Variants in BRD10 observed in about 807,000 individuals in gnomAD.
BRD10 encodes uncharacterized bromodomain-containing protein 10.
the BRD10 span, among the ~76,000 whole-genome samples, chr9:5,998,013 T>A: frequency 6.6e-6 from 1 of 152,196 alleles, no homozygotes; most frequent in Non-Finnish European, 1.5e-5. Flanking sequence ...TAAAATATAC[T>A]TTAGAAGTAG....
At chr9:5,906,490 T>C in the BRD10 span, among the ~76,000 whole-genome samples, 2 of 152,278 alleles carry the variant, frequency 1.3e-5, no homozygotes, top group African/African-American at 4.8e-5. Flanking sequence ...AAGGCAGGTC[T>C]ACTGGCAATG....
the BRD10 span, among the ~76,000 whole-genome samples, chr9:5,973,120 A>G: frequency 6.6e-6 from 1 of 152,252 alleles, no homozygotes; most frequent in Admixed American, 6.5e-5. Context: ...GGCATAAATA[A>G]TTATTAAAAT....
the BRD10 span, chr9:5,988,627 C>G: frequency 1.0e-6 from 1 of 996,284 alleles, no homozygotes; most frequent in Non-Finnish European, 1.5e-6. Flanking sequence ...TTAAGAATCC[C>G]TTTTGCTAAA....
At chr9:5,974,574 T>C in the BRD10 span, among the ~76,000 whole-genome samples, 4 of 152,050 alleles carry the variant, frequency 2.6e-5, no homozygotes, top group South Asian at 8.3e-4. Context: ...AGTACCCAGC[T>C]AAGGCCCAGC....
chr9:5,979,971 C>A, the BRD10 span, among the ~76,000 whole-genome samples: 1 of 140,894 alleles, frequency 7.1e-6, no homozygotes, highest in Admixed American at 7.5e-5. Context: ...GCCAGGACTG[C>A]ACCACTGCAC....
the BRD10 span, among the ~76,000 whole-genome samples, chr9:5,950,789 T>C: frequency 5.3e-5 from 8 of 152,216 alleles, no homozygotes; most frequent in African/African-American, 1.9e-4. Flanking sequence ...GCTTAAGACC[T>C]TGATATAAAG....
the BRD10 span, chr9:5,988,465 G>A: frequency 6.2e-7 from 1 of 1,613,752 alleles, no homozygotes; most frequent in Non-Finnish European, 8.5e-7. Flanking sequence ...CCTTGTTGAG[G>A]TACATGCAGT....
chr9:5,914,851 T>G, the BRD10 span, among the ~76,000 whole-genome samples: 1 of 152,134 alleles, frequency 6.6e-6, no homozygotes, highest in Non-Finnish European at 1.5e-5. Context: ...AAACCATAAT[T>G]GAATTTTGTA....
the BRD10 span, among the ~76,000 whole-genome samples, chr9:5,958,218 AAAG>A: frequency 3.9e-5 from 6 of 152,176 alleles, no homozygotes; most frequent in Non-Finnish European, 8.8e-5. Context: ...CAACTTAAGA[AAAG>A]AATGCCCAAC....
chr9:5,922,718 G>T, the BRD10 span: 1 of 1,613,904 alleles, frequency 6.2e-7, no homozygotes, highest in East Asian at 2.2e-5. Flanking sequence ...TCCTGTTTTA[G>T]GATCCACCAT....
chr9:5,975,857 G>T, the BRD10 span, among the ~76,000 whole-genome samples: 1 of 151,992 alleles, frequency 6.6e-6, no homozygotes, highest in Non-Finnish European at 1.5e-5. Context: ...TTAGTTTGGG[G>T]GTTAAAAATG....
the BRD10 span, among the ~76,000 whole-genome samples, chr9:5,937,730 T>C: frequency 2.0e-5 from 3 of 152,196 alleles, no homozygotes; most frequent in Admixed American, 6.5e-5. Flanking sequence ...ATTGTTTTCA[T>C]GCAACTTTCC....
chr9:5,919,958 A>G, the BRD10 span: 27 of 1,613,918 alleles, frequency 1.7e-5, no homozygotes, highest in Non-Finnish European at 2.2e-5. Flanking sequence ...CTTAGCCAAA[A>G]GAGTAGCTGG....
At chr9:5,923,057 G>C in the BRD10 span, 1 of 1,613,966 alleles carries the variant, frequency 6.2e-7, no homozygotes, top group Admixed American at 1.7e-5. Flanking sequence ...TGATGGCTCT[G>C]TATGCTTTGA....
chr9:5,939,131 A>C, the BRD10 span, among the ~76,000 whole-genome samples: 1 of 152,162 alleles, frequency 6.6e-6, no homozygotes, highest in Admixed American at 6.5e-5. Context: ...GTTAGAAAAT[A>C]AGATTAATGC....
the BRD10 span, among the ~76,000 whole-genome samples, chr9:5,941,208 C>T: frequency 7.1e-6 from 1 of 140,066 alleles, no homozygotes; most frequent in African/African-American, 3.1e-5. Context: ...ATTTCAAGTA[C>T]AATAAGATCA....
the BRD10 span, among the ~76,000 whole-genome samples, chr9:5,930,617 G>T: frequency 6.6e-6 from 1 of 151,966 alleles, no homozygotes; most frequent in African/African-American, 2.4e-5. Flanking sequence ...AATGAATATG[G>T]AACCGAGGCT....
the BRD10 span, chr9:5,914,096 A>G: frequency 2.3e-6 from 1 of 442,972 alleles, no homozygotes; most frequent in Non-Finnish European, 4.5e-6. Flanking sequence ...CACAATAGAC[A>G]AAGTTGACTA....
At chr9:5,940,655 T>A in the BRD10 span, among the ~76,000 whole-genome samples, 6 of 152,056 alleles carry the variant, frequency 3.9e-5, no homozygotes, top group African/African-American at 1.4e-4. Context: ...CTACGAGGGG[T>A]GGTCTGCTAA....
Sources: allele counts gnomAD v4.1 joint callset (sites outside exome capture counted in the v4.1 genomes callset), GRCh38; gene constraint gnomAD v4.1.1; transcripts MANE v1.5; gene names NCBI Gene and HGNC (gene_info 2026-07-23, HGNC 2026-07-21).